CCDC6: variants seen among roughly 807,000 people sequenced by gnomAD.
CCDC6 encodes coiled-coil domain-containing protein 6.
CCDC6 carries 20 observed loss-of-function variants against 56.6 expected under a neutral mutation model. The observed-to-expected ratio is 0.35, with a 90% CI of 0.25 to 0.51. CCDC6 has a LOEUF of 0.51. Ranked by LOEUF, CCDC6 falls within the 20% of genes least tolerant of loss-of-function variation. CCDC6 has a pLI of 0.95. For missense variants in CCDC6, 367 were observed against 601.1 expected (o/e 0.61, Z 4.07); for synonymous variants, 241 against 234.4 (o/e 1.03, Z -0.26).
At position 59,804,429 on chromosome 10, in the gene CCDC6, T is replaced by C. The variant is rs754442755; in HGVS notation, c.1096A>G (p.Ile366Val). The C allele has an allele frequency of 5.0e-6, 8 of 1,606,126 alleles. No individual in the cohort carries two copies. Among genetic ancestry groups the C allele is most frequent in the Admixed American group, 1.7e-5 (1 of 60,012 alleles). ...YTPSPSSSRP[I>V]SPGLSYASHT... ...AAAGACATATGCTCACCAGGTGATATAGGCCTGCTTGAACTCGGAGAAGGT... is the reference window on the plus strand; with the variant it reads ...AAAGACATATGCTCACCAGGTGATACAGGCCTGCTTGAACTCGGAGAAGGT... Residue 366 changes from isoleucine to valine, a missense_variant, in exon 7 of 9, where the codon ATA becomes GTA. Ile to Val is a conservative substitution (Grantham distance 29). Coordinates refer to ENST00000263102, the MANE Select transcript of CCDC6 (RefSeq NM_005436.5).
At chr10:59,818,990 A>G (rs771979781) in intron 3 of CCDC6, among the ~76,000 whole-genome samples, 16 of 152,146 alleles carry the variant, frequency 1.1e-4, no homozygotes, top group Non-Finnish European at 1.8e-4. Context: ...CATCACTACT[A>G]TGACCATCAC....
In CCDC6 at chr10:59,790,310, T is replaced by A. The variant is rs561293349; in HGVS notation, c.*2607A>T. The A allele has an allele frequency of 4.5e-4, 98 of 218,020 alleles. 3 individuals are homozygous for A. The South Asian group carries it at 0.016, about 35-fold the overall frequency. The allele number at this position is 218,020 out of a possible 1,614,324, so 13.5% of individuals were successfully genotyped here. Reference sequence around the variant, plus strand: ...ACCTGCCTGCAGGACGGCTACTGATTTTACAAAGGCCTTCTGGGAGCCAAT... The same window carrying A: ...ACCTGCCTGCAGGACGGCTACTGATATTACAAAGGCCTTCTGGGAGCCAAT... On this transcript the variant is annotated 3_prime_UTR_variant, in exon 9 of 9. Transcript: ENST00000263102.
chr10:59,859,835 C>T (rs1040359017), intron 1 of CCDC6, among the ~76,000 whole-genome samples: 6 of 151,932 alleles, frequency 3.9e-5, no homozygotes, highest in Non-Finnish European at 7.4e-5. Flanking sequence ...GAGGCTGAGG[C>T]GGGCATATCA....
chr10:59,885,129 G>A (rs1285253790), intron 1 of CCDC6, among the ~76,000 whole-genome samples: 1 of 151,974 alleles, frequency 6.6e-6, no homozygotes, highest in Non-Finnish European at 1.5e-5. Flanking sequence ...AGGAGAAAAG[G>A]AAAGAAAGGA....
chr10:59,870,248 T>G (rs1564752905), intron 1 of CCDC6, among the ~76,000 whole-genome samples: 1 of 152,174 alleles, frequency 6.6e-6, no homozygotes, highest in East Asian at 1.9e-4. Flanking sequence ...AAAAGGCTTC[T>G]CTTAAACTCA....
intron 1 of CCDC6, among the ~76,000 whole-genome samples, chr10:59,889,816 C>T (rs1246853299): frequency 6.6e-6 from 1 of 152,176 alleles, no homozygotes; most frequent in Admixed American, 6.5e-5. Context: ...AGCCCCTGGG[C>T]TCTGATGGCA....
At chr10:59,883,490 G>A (rs1021657949) in intron 1 of CCDC6, among the ~76,000 whole-genome samples, 7 of 152,136 alleles carry the variant, frequency 4.6e-5, no homozygotes, top group African/African-American at 1.7e-4. Context: ...CTCTCGCACT[G>A]TATTTAGAAG....
chr10:59,796,457 T>G (rs1041427588), intron 7 of CCDC6, among the ~76,000 whole-genome samples: 1 of 152,084 alleles, frequency 6.6e-6, no homozygotes, highest in East Asian at 1.9e-4. Flanking sequence ...CAAGTGGTGG[T>G]GAGGATACGG....
At chr10:59,891,187 A>C (rs75448096) in intron 1 of CCDC6, among the ~76,000 whole-genome samples, 11 of 152,208 alleles carry the variant, frequency 7.2e-5, no homozygotes, top group Non-Finnish European at 1.6e-4. Flanking sequence ...TTTCCAATTG[A>C]AATACAGTTG....
chr10:59,799,201 C>T (rs867532674), intron 7 of CCDC6, among the ~76,000 whole-genome samples: 2 of 151,628 alleles, frequency 1.3e-5, no homozygotes, highest in South Asian at 4.2e-4. Context: ...GAGGCTGAAG[C>T]GGGTGGATCA....
At chr10:59,851,198 A>G (rs1298417535) in intron 2 of CCDC6, among the ~76,000 whole-genome samples, 1 of 151,726 alleles carries the variant, frequency 6.6e-6, no homozygotes, top group Admixed American at 6.6e-5. Flanking sequence ...GATTACACAT[A>G]CACCTAGGAA....
At chr10:59,833,177 G>A (rs1370835133) in intron 2 of CCDC6, among the ~76,000 whole-genome samples, 1 of 152,160 alleles carries the variant, frequency 6.6e-6, no homozygotes, top group Non-Finnish European at 1.5e-5. Flanking sequence ...GGCTGGTCAT[G>A]GTGGCTCACA....
intron 1 of CCDC6, among the ~76,000 whole-genome samples, chr10:59,905,123 T>A (rs1171829): frequency 6.6e-6 from 1 of 152,196 alleles, no homozygotes; most frequent in African/African-American, 2.4e-5. Context: ...TGGGGATCCT[T>A]CATGTTAATG....
chr10:59,824,613 T>C (rs1052428326), intron 3 of CCDC6, among the ~76,000 whole-genome samples: 5 of 152,182 alleles, frequency 3.3e-5, no homozygotes, highest in Non-Finnish European at 7.3e-5. Context: ...TAAGTTATGA[T>C]GTTTTATTTT....
chr10:59,845,339 C>T (rs1007678193), intron 2 of CCDC6, among the ~76,000 whole-genome samples: 2 of 144,576 alleles, frequency 1.4e-5, no homozygotes, highest in African/African-American at 2.6e-5. Context: ...TACTTTTGCC[C>T]CTATGGGTTT....
rs2071441953 is a variant in CCDC6 at position 59,893,708 on chromosome 10, ATACTT to A, written c.303+12409_303+12413del. 8.7e-5 allele frequency among the ~76,000 whole-genome samples: 13 copies of A among 149,756 alleles called. No homozygotes were observed. The Admixed American group carries it at 8.8e-4, about 10-fold the overall frequency. On this transcript the variant is annotated intron_variant, in intron 1 of 8. Coordinates refer to ENST00000263102, the MANE Select transcript of CCDC6 (RefSeq NM_005436.5). ...ATAAATTTGTGCATTCAAAGTCTGT[ATACTT>A]TAAAGTAAGTTATGGTTCTCCACCG...
intron 1 of CCDC6, among the ~76,000 whole-genome samples, chr10:59,853,134 C>A (rs1333183678): frequency 6.6e-6 from 1 of 152,138 alleles, no homozygotes; most frequent in Non-Finnish European, 1.5e-5. Flanking sequence ...AATATCTGGG[C>A]AACATTTTTT....
intron 3 of CCDC6, among the ~76,000 whole-genome samples, chr10:59,815,903 T>C (rs1448027742): frequency 6.6e-6 from 1 of 152,148 alleles, no homozygotes; most frequent in Non-Finnish European, 1.5e-5. Context: ...ATGAATAAAA[T>C]GTAGTCTTTT....
At chr10:59,807,169 T>C (rs1488517152) in intron 5 of CCDC6, 91 bp from the exon 6 acceptor site, 4 of 1,106,838 alleles carry the variant, frequency 3.6e-6, no homozygotes, top group East Asian at 2.4e-5. Context: ...CCCTATGCCA[T>C]AGACAGAGGG....
Sources: allele counts gnomAD v4.1 joint callset (sites outside exome capture counted in the v4.1 genomes callset), GRCh38; gene constraint gnomAD v4.1.1; transcripts MANE v1.5; gene names NCBI Gene and HGNC (gene_info 2026-07-23, HGNC 2026-07-21).